Variants in AMPH observed in about 807,000 individuals in gnomAD.
AMPH encodes amphiphysin.
AMPH carries 49 observed loss-of-function variants against 99.1 expected under a neutral mutation model. That is an observed-to-expected ratio of 0.49 (90% CI 0.39 to 0.63). The LOEUF (loss-of-function observed/expected upper bound fraction) is 0.63, where lower values mean the gene tolerates loss of function less well. AMPH is among the 20% of genes least tolerant of loss of function. The pLI, the probability that AMPH is intolerant of heterozygous loss-of-function variation, is 0.00. For synonymous variants in AMPH, 314 were observed against 317.3 expected (o/e 0.99, Z 0.11); for missense variants, 759 against 863.4 (o/e 0.88, Z 1.52).
At position 38,447,751 on chromosome 7, in the gene AMPH, A is replaced by AACACAC. The variant is rs34380529; in HGVS notation, c.1018-11369_1018-11364dup. Among the ~76,000 whole-genome samples, 347 of 139,754 alleles carry AACACAC rather than the reference A, an allele frequency of 2.5e-3. 4 individuals carry two copies. Among genetic ancestry groups the AACACAC allele is most frequent in the South Asian group, 0.025 (112 of 4,524 alleles). 91.7% of individuals were successfully genotyped at this position (139,754 alleles called of 152,430 possible). On this transcript the variant is annotated intron_variant, in intron 11 of 20. Transcript: ENST00000356264. ...ATGGCTGCATGCAAACAGACAGATAAACACACACACACACACACACACACA... is the reference window on the plus strand; with the variant it reads ...ATGGCTGCATGCAAACAGACAGATAAACACACACACACACACACACACACACACACA...
At chr7:38,630,235 A>G (rs1794408086) in intron 1 of AMPH, among the ~76,000 whole-genome samples, 1 of 152,224 alleles carries the variant, frequency 6.6e-6, no homozygotes, top group Non-Finnish European at 1.5e-5. Flanking sequence ...GGGGCTCATT[A>G]GCCGGTGTTG....
intron 1 of AMPH, among the ~76,000 whole-genome samples, chr7:38,545,416 T>C (rs1483030109): frequency 6.6e-6 from 1 of 152,196 alleles, no homozygotes; most frequent in Non-Finnish European, 1.5e-5. Context: ...AAGTTCAGTT[T>C]GTTTGTGGCA....
chr7:38,586,240 C>T (rs190656952), intron 1 of AMPH, among the ~76,000 whole-genome samples: 1 of 152,160 alleles, frequency 6.6e-6, no homozygotes, highest in African/African-American at 2.4e-5. Context: ...AGAACCCCCA[C>T]AAACCGTTTA....
intron 11 of AMPH, among the ~76,000 whole-genome samples, chr7:38,446,283 C>T (rs1786776030): frequency 2.0e-5 from 3 of 152,290 alleles, no homozygotes; most frequent in African/African-American, 7.2e-5. Flanking sequence ...TTATTCCTAA[C>T]ATATGATCTA....
intron 17 of AMPH, among the ~76,000 whole-genome samples, chr7:38,406,780 C>T (rs1194186519): frequency 2.5e-5 from 3 of 121,914 alleles, no homozygotes; most frequent in Non-Finnish European, 3.4e-5. Flanking sequence ...CTCTCTCGTG[C>T]TGGATGCCTG....
At chr7:38,520,062 TTC>T (rs1042492118) in intron 2 of AMPH, among the ~76,000 whole-genome samples, 1 of 151,434 alleles carries the variant, frequency 6.6e-6, no homozygotes, top group Admixed American at 6.6e-5. Context: ...TCCTTTGCCT[TTC>T]TCTCTCTCTC....
intron 17 of AMPH, among the ~76,000 whole-genome samples, chr7:38,402,849 T>A (rs1784879908): frequency 6.6e-6 from 1 of 152,246 alleles, no homozygotes; most frequent in Non-Finnish European, 1.5e-5. Flanking sequence ...AATATACTTT[T>A]GAAATGTTGA....
At chr7:38,537,467 G>A (rs1790656003) in intron 1 of AMPH, among the ~76,000 whole-genome samples, 1 of 152,084 alleles carries the variant, frequency 6.6e-6, no homozygotes. Flanking sequence ...AAAAAGCCAG[G>A]GAGAATGTTG....
chr7:38,589,182 T>C (rs1792767893), intron 1 of AMPH, among the ~76,000 whole-genome samples: 1 of 152,184 alleles, frequency 6.6e-6, no homozygotes, highest in African/African-American at 2.4e-5. Flanking sequence ...TAATCAGAGA[T>C]TCAGACCATA....
chr7:38,516,302 G>A (rs1789738032), intron 2 of AMPH, among the ~76,000 whole-genome samples: 1 of 152,188 alleles, frequency 6.6e-6, no homozygotes, highest in Non-Finnish European at 1.5e-5. Context: ...GGCTGGCCCA[G>A]GGCCCTACTG....
At chr7:38,451,246 CAT>C (rs905069512) in intron 11 of AMPH, among the ~76,000 whole-genome samples, 2 of 147,202 alleles carry the variant, frequency 1.4e-5, no homozygotes, top group Non-Finnish European at 3.0e-5. Context: ...TAACCTTGCA[CAT>C]ACACACATAT....
chr7:38,429,488 T>C, intron 14 of AMPH: 1 of 1,328,236 alleles, frequency 7.5e-7, no homozygotes, highest in South Asian at 1.2e-5. Context: ...CTATATCATT[T>C]TGAGATCTTT....
At chr7:38,461,199 C>T (rs73120217) in intron 11 of AMPH, 84 bp downstream of exon 11, 71,770 of 1,506,214 alleles carry the variant, frequency 0.048, 2,036 homozygotes, top group Non-Finnish European at 0.056. Flanking sequence ...GTTCTGGAAC[C>T]GCCACTTTCT....
At chr7:38,558,498 C>T (rs948292538) in intron 1 of AMPH, among the ~76,000 whole-genome samples, 19 of 152,112 alleles carry the variant, frequency 1.2e-4, no homozygotes, top group African/African-American at 4.1e-4. Flanking sequence ...CAATGCCAAA[C>T]GTTAAATCTG....
intron 15 of AMPH, among the ~76,000 whole-genome samples, chr7:38,423,849 C>T (rs146382204): frequency 1.7e-3 from 256 of 152,252 alleles, no homozygotes; most frequent in African/African-American, 5.8e-3. Flanking sequence ...ACTAAGAACA[C>T]CAAGCAACAT....
Position 38,627,472 on chromosome 7 carries a change from G to A in AMPH, c.69+3811C>T, listed in dbSNP as rs372010021. On this transcript the variant is annotated intron_variant, in intron 1 of 20. Coordinates refer to ENST00000356264, the MANE Select transcript of AMPH (RefSeq NM_001635.4). ...AGATCGAGACCATCCTGGCTAACAC[G>A]GTGAAACCCCATCTCTACTAAAAAT... 3.2e-4 allele frequency among the ~76,000 whole-genome samples: 49 copies of A among 151,000 alleles called. No individual in the cohort carries two copies. The East Asian group carries it at 7.2e-3, about 22-fold the overall frequency.
At chr7:38,514,443 A>C (rs942159498) in intron 2 of AMPH, among the ~76,000 whole-genome samples, 2 of 152,236 alleles carry the variant, frequency 1.3e-5, no homozygotes, top group Non-Finnish European at 2.9e-5. Flanking sequence ...TCCTGCAGAA[A>C]TTTACAGCTA....
At chr7:38,441,803 T>TATCTATCATATATCTATCATATATATC (rs1584096578) in intron 11 of AMPH, among the ~76,000 whole-genome samples, 1 of 64,316 alleles carries the variant, frequency 1.6e-5, no homozygotes, top group Non-Finnish European at 2.9e-5. Flanking sequence ...ATATATCATA[T>TATCTATCATATATCTATCATATATATC]ATATATCATA....
At chr7:38,486,566 A>T (rs2129017908) in intron 5 of AMPH, among the ~76,000 whole-genome samples, 1 of 152,198 alleles carries the variant, frequency 6.6e-6, no homozygotes, top group Middle Eastern at 3.4e-3. Flanking sequence ...CAGGGGAGAG[A>T]ACACTTCAAA....
Sources: allele counts gnomAD v4.1 joint callset (sites outside exome capture counted in the v4.1 genomes callset), GRCh38; gene constraint gnomAD v4.1.1; transcripts MANE v1.5; gene names NCBI Gene and HGNC (gene_info 2026-07-23, HGNC 2026-07-21).